Variants in KLHL2 observed in about 807,000 individuals in gnomAD.
KLHL2 encodes kelch-like protein 2.
KLHL2 carries 15 observed loss-of-function variants against 75.8 expected under a neutral mutation model. That is an observed-to-expected ratio of 0.20 (90% CI 0.13 to 0.30). KLHL2 has a LOEUF of 0.30. KLHL2 is among the 10% of genes least tolerant of loss of function. The pLI is 1.00. For synonymous variants in KLHL2, 214 were observed against 251.9 expected, an observed-to-expected ratio of 0.85 and a Z score of 1.42; for missense variants, 381 against 741.0, an observed-to-expected ratio of 0.51 and a Z score of 5.64.
intron 5 of KLHL2, among the ~76,000 whole-genome samples, chr4:165,269,957 A>G (rs1433414632): frequency 1.3e-5 from 2 of 152,196 alleles, no homozygotes; most frequent in East Asian, 3.8e-4. Context: ...CCGGTACACC[A>G]ATCAAACGTA....
At chr4:165,254,989 C>A (rs1257102537) in intron 4 of KLHL2, among the ~76,000 whole-genome samples, 1 of 152,146 alleles carries the variant, frequency 6.6e-6, no homozygotes, top group Non-Finnish European at 1.5e-5. Flanking sequence ...ATGGTCATTG[C>A]CATGCATTGT....
chr4:165,286,602 G>T (rs192471497), intron 5 of KLHL2, among the ~76,000 whole-genome samples: 1 of 152,206 alleles, frequency 6.6e-6, no homozygotes, highest in East Asian at 1.9e-4. Context: ...CAGAGAGGTT[G>T]AGAAGGACCA....
chr4:165,264,762 A>G (rs1560784369), intron 5 of KLHL2, among the ~76,000 whole-genome samples: 20 of 100,652 alleles, frequency 2.0e-4, no homozygotes, highest in African/African-American at 8.7e-4. Flanking sequence ...ATATATATAT[A>G]TATAAAACAT....
chr4:165,284,939 G>A (rs28494143), intron 5 of KLHL2, among the ~76,000 whole-genome samples: 161 of 152,304 alleles, frequency 1.1e-3, no homozygotes, highest in African/African-American at 3.6e-3. Context: ...TTTTAAAACC[G>A]TCAGATCTCG....
At chr4:165,282,379 ATTAAC>A (rs1280234455) in intron 5 of KLHL2, among the ~76,000 whole-genome samples, 1 of 152,222 alleles carries the variant, frequency 6.6e-6, no homozygotes, top group Non-Finnish European at 1.5e-5. Context: ...TTAGGCTTAT[ATTAAC>A]CAAACTGATG....
At chr4:165,321,751 C>G (rs1033793945) in intron 14 of KLHL2, among the ~76,000 whole-genome samples, 1 of 152,150 alleles carries the variant, frequency 6.6e-6, no homozygotes, top group African/African-American at 2.4e-5. Flanking sequence ...TCAAAAGTTT[C>G]TGTGTTCCCT....
intron 12 of KLHL2, among the ~76,000 whole-genome samples, chr4:165,313,748 TA>T (rs1746387314): frequency 6.6e-6 from 1 of 152,156 alleles, no homozygotes; most frequent in East Asian, 1.9e-4. Context: ...AGGATTACAT[TA>T]AAGGACTTTT....
At chr4:165,308,504 T>C (rs891045512) in intron 9 of KLHL2, among the ~76,000 whole-genome samples, 2 of 152,180 alleles carry the variant, frequency 1.3e-5, no homozygotes, top group African/African-American at 4.8e-5. Context: ...GGCACTTCAG[T>C]TTCCTGATAA....
intron 4 of KLHL2, among the ~76,000 whole-genome samples, chr4:165,242,842 G>C (rs1253381875): frequency 6.6e-6 from 1 of 152,182 alleles, no homozygotes; most frequent in Non-Finnish European, 1.5e-5. Context: ...ATATAAGTGT[G>C]TGTGAGTCTG....
intron 5 of KLHL2, among the ~76,000 whole-genome samples, chr4:165,283,851 A>G (rs193063757): frequency 3.3e-5 from 5 of 152,260 alleles, no homozygotes; most frequent in African/African-American, 9.6e-5. Context: ...ATTTTCATAC[A>G]TCTGAAATCG....
At position 165,303,940 on chromosome 4, in the gene KLHL2, A is replaced by G. The variant is rs578246022; in HGVS notation, c.922-1668A>G. ...GCCCAGGCTGAAGTGTAATGGTGCA[A>G]TCTCGGCTCACTGCAACTTCCACCT... On this transcript the variant is annotated intron_variant, in intron 8 of 14. Transcript: ENST00000226725. Among the ~76,000 whole-genome samples the G allele has an allele frequency of 3.3e-5, 5 of 150,148 alleles. No individual in the cohort carries two copies. The East Asian group carries it at 6.0e-4, about 18-fold the overall frequency.
intron 8 of KLHL2, among the ~76,000 whole-genome samples, chr4:165,300,227 G>A (rs2126520335): frequency 6.6e-6 from 1 of 151,924 alleles, no homozygotes; most frequent in South Asian, 2.1e-4. Flanking sequence ...GGCGGAGGTT[G>A]CAGTGAGCTG....
At chr4:165,278,619 C>G in intron 5 of KLHL2, 1 of 1,590,630 alleles carries the variant, frequency 6.3e-7, no homozygotes, top group East Asian at 2.2e-5. Flanking sequence ...TCAATTTCTT[C>G]TGAGGTCTTT....
Position 165,276,966 on chromosome 4 carries a change from T to A in KLHL2, c.544+13607T>A, listed in dbSNP as rs1408206437. ...TTAGGCTAAGACAATTAAATAAAAA[T>A]GTAAGGGATAAGAAATATAGTTGAA... On this transcript the variant is annotated intron_variant, in intron 5 of 14. Transcript: ENST00000226725. Among the ~76,000 whole-genome samples, 4 of 152,148 alleles carry A rather than the reference T, an allele frequency of 2.6e-5. No homozygotes were observed. In the East Asian group the frequency reaches 7.7e-4, roughly 29 times the overall value.
At chr4:165,311,015 C>T (rs756222136) in intron 10 of KLHL2, among the ~76,000 whole-genome samples, 26 of 152,040 alleles carry the variant, frequency 1.7e-4, no homozygotes, top group Non-Finnish European at 2.2e-4. Flanking sequence ...CCACCACGCC[C>T]GGCTAATTTT....
At position 165,250,911 on chromosome 4, in the gene KLHL2, C is replaced by T. The variant is rs1252461747; in HGVS notation, c.381+12012C>T. ...TTTGAGTTGGCATGGAGACCACACTCGGGTGATTGTAGTACCATGCTAAAT... is the reference window on the plus strand; with the variant it reads ...TTTGAGTTGGCATGGAGACCACACTTGGGTGATTGTAGTACCATGCTAAAT... On this transcript the variant is annotated intron_variant, in intron 4 of 14. Coordinates refer to ENST00000226725, the MANE Select transcript of KLHL2 (RefSeq NM_007246.4). Among the ~76,000 whole-genome samples, 6 of 152,054 alleles carry T rather than the reference C, an allele frequency of 3.9e-5. No homozygotes were observed. In the South Asian group the frequency reaches 6.2e-4, roughly 16 times the overall value.
chr4:165,261,580 C>T (rs1271785496), intron 4 of KLHL2, among the ~76,000 whole-genome samples: 1 of 152,156 alleles, frequency 6.6e-6, no homozygotes, highest in Admixed American at 6.5e-5. Flanking sequence ...CTCAAGTGAT[C>T]CACCTGCCTC....
intron 4 of KLHL2, among the ~76,000 whole-genome samples, chr4:165,242,033 T>A (rs1339477677): frequency 6.6e-6 from 1 of 152,226 alleles, no homozygotes; most frequent in Non-Finnish European, 1.5e-5. Context: ...TTTTTAAACT[T>A]TGGCTTTAAG....
intron 2 of KLHL2, among the ~76,000 whole-genome samples, chr4:165,228,424 A>G (rs1289935388): frequency 6.7e-6 from 1 of 148,958 alleles, no homozygotes; most frequent in Admixed American, 6.7e-5. Context: ...AGTTTTCGGT[A>G]TGTGTTTTTT....
Sources: allele counts gnomAD v4.1 joint callset (sites outside exome capture counted in the v4.1 genomes callset), GRCh38; gene constraint gnomAD v4.1.1; transcripts MANE v1.5; gene names NCBI Gene and HGNC (gene_info 2026-07-23, HGNC 2026-07-21).